ATCAY: variants seen among roughly 807,000 people sequenced by gnomAD.
The protein encoded by ATCAY is ATCAY kinesin light chain interacting caytaxin, also known as caytaxin.
A neutral mutation model predicts 47.7 loss-of-function variants in ATCAY; 22 were observed. The ratio of observed to expected loss-of-function variants is 0.46; its 90% confidence interval spans 0.33 to 0.66. The LOEUF (loss-of-function observed/expected upper bound fraction) is 0.66. ATCAY is among the 30% of genes least tolerant of loss of function. The pLI, the probability that ATCAY is intolerant of heterozygous loss-of-function variation, is 0.02. For missense variants in ATCAY, 452 were observed against 515.0 expected, an observed-to-expected ratio of 0.88 and a Z score of 1.18; for synonymous variants, 216 against 207.6, an observed-to-expected ratio of 1.04 and a Z score of -0.35.
At chr19:3,901,137 C>T (rs1018988934) in intron 2 of ATCAY, among the ~76,000 whole-genome samples, 2 of 147,432 alleles carry the variant, frequency 1.4e-5, no homozygotes, top group South Asian at 2.2e-4. Flanking sequence ...CTCCTGACCT[C>T]GTGATCCGCA....
Position 3,907,061 on chromosome 19 carries a change from G to C in ATCAY, c.359-673G>C, listed in dbSNP as rs534009256. Among the ~76,000 whole-genome samples, 1 of 150,998 alleles carries C rather than the reference G, an allele frequency of 6.6e-6. No homozygotes were observed. The highest frequency in any genetic ancestry group is 2.0e-4 in the East Asian group (1 of 5,112). ...AGGCAGGAGAATCGCTTGAACTCTGGAGGCAGAGGCTGCAGTGAGCAGAGA... is the reference window on the plus strand; with the variant it reads ...AGGCAGGAGAATCGCTTGAACTCTGCAGGCAGAGGCTGCAGTGAGCAGAGA... On this transcript the variant is annotated intron_variant, in intron 4 of 12. Coordinates refer to ENST00000450849, the MANE Select transcript of ATCAY (RefSeq NM_033064.5). The surrounding 1 kb of genome is among the most constrained non-coding windows in gnomAD (Gnocchi z 5.1).
At chr19:3,911,656 C>A (rs1247185640) in intron 8 of ATCAY, among the ~76,000 whole-genome samples, 1 of 151,606 alleles carries the variant, frequency 6.6e-6, no homozygotes. Context: ...TATAGTAAAA[C>A]AGATCAAGTG....
At chr19:3,921,039 G>A (rs2039014083) in intron 12 of ATCAY, among the ~76,000 whole-genome samples, 1 of 152,076 alleles carries the variant, frequency 6.6e-6, no homozygotes, top group African/African-American at 2.4e-5. Flanking sequence ...ACAACTCCAG[G>A]GGGGCACCAT....
At chr19:3,915,295 C>T (rs2038957243) in intron 9 of ATCAY, among the ~76,000 whole-genome samples, 1 of 151,548 alleles carries the variant, frequency 6.6e-6, no homozygotes. Context: ...GCCTCAGCCT[C>T]CCAACTAGCT....
At chr19:3,914,129 A>G (rs997292700) in intron 9 of ATCAY, among the ~76,000 whole-genome samples, 7 of 151,218 alleles carry the variant, frequency 4.6e-5, no homozygotes, top group South Asian at 2.1e-4. Context: ...CCAGCTACTC[A>G]GGAGGCTGAG....
intron 6 of ATCAY, 32 bp from the exon 7 acceptor site, chr19:3,909,453 GT>G: frequency 6.2e-7 from 1 of 1,606,800 alleles, no homozygotes; most frequent in Non-Finnish European, 8.5e-7. Context: ...ACCCCTCCAT[GT>G]TGGGTCCCTG....
intron 4 of ATCAY, among the ~76,000 whole-genome samples, chr19:3,906,420 A>C (rs1285547234): frequency 1.3e-5 from 2 of 150,158 alleles, no homozygotes; most frequent in African/African-American, 4.9e-5. Context: ...CTTTTGCCTC[A>C]GCCTCCCGAG....
intron 2 of ATCAY, among the ~76,000 whole-genome samples, chr19:3,889,588 C>A (rs886619769): frequency 1.9e-4 from 29 of 151,970 alleles, no homozygotes; most frequent in African/African-American, 6.5e-4. Flanking sequence ...AGCAAGACTG[C>A]ATATCTAAGA....
chr19:3,895,716 C>CTTT (rs537910730), intron 2 of ATCAY, among the ~76,000 whole-genome samples: 9 of 129,662 alleles, frequency 6.9e-5, no homozygotes, highest in Admixed American at 1.6e-4. Flanking sequence ...CTTTTCTTTT[C>CTTT]TTTTTTTTTT....
intron 2 of ATCAY, among the ~76,000 whole-genome samples, chr19:3,891,626 C>A (rs1049896819): frequency 6.6e-6 from 1 of 151,016 alleles, no homozygotes; most frequent in Non-Finnish European, 1.5e-5. Context: ...GGTGTAGGGG[C>A]CCCACATTCC....
chr19:3,916,932 C>T (rs1012048201), intron 9 of ATCAY, among the ~76,000 whole-genome samples: 48 of 151,802 alleles, frequency 3.2e-4, no homozygotes, highest in African/African-American at 9.9e-4. Context: ...CTCAGCCTCC[C>T]GAATAGCTGG....
At chr19:3,921,448 G>T (rs1323108246) in intron 12 of ATCAY, among the ~76,000 whole-genome samples, 1 of 150,844 alleles carries the variant, frequency 6.6e-6, no homozygotes, top group Non-Finnish European at 1.5e-5. Context: ...AAAAAAAAAA[G>T]GAAAGAAAAG....
Position 3,905,610 on chromosome 19 carries a change from G to A in ATCAY, c.313G>A (p.Asp105Asn), listed in dbSNP as rs1181128566. 8 of 1,613,698 alleles carry A rather than the reference G, an allele frequency of 5.0e-6. No individual in the cohort carries two copies. Among genetic ancestry groups the A allele is most frequent in the East Asian group, 4.5e-5 (2 of 44,846 alleles). The change falls in exon 4 of 13, where the codon GAC becomes AAC. Residue 105 changes from aspartate (D) to asparagine (N), a missense_variant. By Grantham distance (23) the Asp-to-Asn change is conservative (BLOSUM62 1). Coordinates refer to ENST00000450849, the MANE Select transcript of ATCAY (RefSeq NM_033064.5). ...VDDIETPDETDSLEFLGNGNE... is the reference protein window; with the variant it reads ...VDDIETPDETNSLEFLGNGNE... ...TGACATCGAGACCCCCGATGAGACC[G>A]ACTCGCTGGAGTTCCTGGGGAATGG...
At chr19:3,883,742 A>C (rs377631139) in intron 1 of ATCAY, among the ~76,000 whole-genome samples, 2 of 152,168 alleles carry the variant, frequency 1.3e-5, no homozygotes, top group Non-Finnish European at 2.9e-5. Flanking sequence ...AAAGCCCAAA[A>C]CAGATGGGGT....
intron 2 of ATCAY, among the ~76,000 whole-genome samples, chr19:3,887,912 G>T (rs982388353): frequency 1.3e-5 from 2 of 151,168 alleles, no homozygotes; most frequent in African/African-American, 4.9e-5. Context: ...TTTGAGACCA[G>T]CCTGGCCGAC....
At position 3,927,437 on chromosome 19, in the gene ATCAY, G is replaced by C. The variant is rs987661172; in HGVS notation, c.*2845G>C. The C allele has an allele frequency of 3.9e-5, 6 of 152,358 alleles. No individual in the cohort carries two copies. Among genetic ancestry groups the C allele is most frequent in the East Asian group, 1.9e-4 (1 of 5,176 alleles). 9.4% of individuals were successfully genotyped at this position (152,358 alleles called of 1,614,324 possible). A position where few individuals can be genotyped will look rare whatever the true frequency, so the allele number is the denominator to read the frequency against. On this transcript the variant is annotated 3_prime_UTR_variant, in exon 13 of 13. Transcript: ENST00000450849. ...GCTTCCAAGTCACAGACAGGAGACG[G>C]GGACAGGAAAGAACTCATTCCACCC... is the stretch of plus-strand genomic sequence containing the variant.
At chr19:3,887,998 C>T (rs151160767) in intron 2 of ATCAY, among the ~76,000 whole-genome samples, 1,904 of 151,582 alleles carry the variant, frequency 0.013, 23 homozygotes, top group East Asian at 0.053. Context: ...GCCTGTAATC[C>T]CCAGTACTCG....
chr19:3,901,085 G>T (rs1179368496), intron 2 of ATCAY, among the ~76,000 whole-genome samples: 1 of 151,082 alleles, frequency 6.6e-6, no homozygotes, highest in Non-Finnish European at 1.5e-5. Flanking sequence ...TGTACTTTTA[G>T]TAGAGACGGG....
Position 3,885,833 on chromosome 19 carries a change from A to C in ATCAY, c.66A>C (p.Glu22Asp). 1.9e-6 allele frequency: 3 copies of C among 1,552,078 alleles called. No individual in the cohort carries two copies. Among genetic ancestry groups the C allele is most frequent in the East Asian group, 2.4e-5 (1 of 40,926 alleles). Reference sequence around the variant, plus strand: ...ACGTGAAGGAGGAATGGCAGGACGAAGATCTTCCCAGGTAGGACTTCCACA... The same window carrying C: ...ACGTGAAGGAGGAATGGCAGGACGACGATCTTCCCAGGTAGGACTTCCACA... The part of the protein sequence containing the change: ...NVDVKEEWQD[E>D]DLPRPLPEET... Residue 22 changes from glutamate (E) to aspartate (D), a missense_variant, in exon 2 of 13, where the codon GAA becomes GAC. By Grantham distance (45) the Glu-to-Asp change is conservative. Transcript: ENST00000450849.
Sources: allele counts gnomAD v4.1 joint callset (sites outside exome capture counted in the v4.1 genomes callset), GRCh38; gene constraint gnomAD v4.1.1; non-coding constraint Gnocchi (gnomAD v3.1); transcripts MANE v1.5; gene names NCBI Gene and HGNC (gene_info 2026-07-23, HGNC 2026-07-21).